Variants in OR1L1 observed in about 807,000 individuals in gnomAD.
The protein encoded by OR1L1 is olfactory receptor family 1 subfamily L member 1, also known as olfactory receptor 1L1.
For synonymous variants in OR1L1, 132 were observed against 139.1 expected (o/e 0.95, Z 0.36); for missense variants, 367 against 371.1 (o/e 0.99, Z 0.09).
Position 122,662,601 on chromosome 9 carries a change from A to C in OR1L1, c.886A>C (p.Met296Leu). ...PFIYSLRNKDMKQGLAKLMHR... is the reference protein window; with the variant it reads ...PFIYSLRNKDLKQGLAKLMHR... ...TATCTATAGTCTGAGGAACAAAGAC[A>C]TGAAGCAGGGTTTGGCAAAGTTGAT... is the stretch of plus-strand genomic sequence containing the variant. Residue 296 changes from methionine (M) to leucine (L), a missense_variant, in exon 1 of 1, where the codon ATG (methionine) becomes CTG (leucine). Met to Leu is a conservative substitution (Grantham distance 15). Transcript: ENST00000309623. 1 of 1,612,866 alleles carries C rather than the reference A, an allele frequency of 6.2e-7. No individual in the cohort carries two copies. The highest frequency in any genetic ancestry group is 8.5e-7 in the Non-Finnish European group (1 of 1,179,994).
chr9:122,662,388 G>A lies in OR1L1; in HGVS notation c.673G>A (p.Val225Ile). 3 of 1,614,156 alleles carry A rather than the reference G, an allele frequency of 1.9e-6. No homozygotes were observed. Among genetic ancestry groups the A allele is most frequent in the Non-Finnish European group, 2.5e-6 (3 of 1,180,028 alleles). Residue 225 changes from valine to isoleucine, a missense_variant, in exon 1 of 1, where the codon GTT (valine) becomes ATT (isoleucine). Val to Ile is a conservative substitution (Grantham distance 29). Coordinates refer to ENST00000309623, the MANE Select transcript of OR1L1 (RefSeq NM_001005236.3). ...CTCTTATTTAAGAATCCTCATCACT[G>A]TTCTGAAGATTCCTTCAGCTGCTGG... ...IISYLRILITVLKIPSAAGKR... is the reference protein window; with the variant it reads ...IISYLRILITILKIPSAAGKR...
At position 122,662,381 on chromosome 9, in the gene OR1L1, C is replaced by A. The variant is rs749607915; in HGVS notation, c.666C>A (p.Leu222=). The part of the protein sequence containing the change: ...SCIIISYLRI[L]ITVLKIPSAA... ...TCATCATCTCTTATTTAAGAATCCT[C>A]ATCACTGTTCTGAAGATTCCTTCAG... The change falls in exon 1 of 1, where the codon CTC becomes CTA. Residue 222 remains leucine (L), a synonymous_variant. Transcript: ENST00000309623. 2 of 1,614,092 alleles carry A rather than the reference C, an allele frequency of 1.2e-6. No individual in the cohort carries two copies. The highest frequency in any genetic ancestry group is 2.7e-5 in the African/African-American group (2 of 74,932).
At position 122,661,850 on chromosome 9, in the gene OR1L1, C is replaced by T. The variant is rs1830518619; in HGVS notation, c.135C>T (p.Ile45=). The change falls in exon 1 of 1, where the codon ATC becomes ATT. Residue 45 remains isoleucine (I), a synonymous_variant. Coordinates refer to ENST00000309623, the MANE Select transcript of OR1L1 (RefSeq NM_001005236.3). ...YLITVIGNLL[I]ILAIRSDTRL... ...TCACAGTGATAGGAAACCTGCTTAT[C>T]ATCCTGGCCATCCGCTCAGACACTC... is the stretch of plus-strand genomic sequence containing the variant. The T allele has an allele frequency of 1.2e-6, 2 of 1,614,068 alleles. No homozygotes were observed. The highest frequency in any genetic ancestry group is 1.7e-5 in the Admixed American group (1 of 60,002).
rs1321214347 is a variant in OR1L1 at position 122,662,335 on chromosome 9, T to C, written c.620T>C (p.Ile207Thr). ...GTAATGACAGAAGGCTTGGCTGTCA[T>C]AATGACCCCGTTTTCATGCATCATC... The part of the protein sequence containing the change: ...ITVMTEGLAV[I>T]MTPFSCIIIS... The change falls in exon 1 of 1, where the codon ATA becomes ACA. Residue 207 changes from isoleucine to threonine, a missense_variant. Coordinates refer to ENST00000309623, the MANE Select transcript of OR1L1 (RefSeq NM_001005236.3). 10 of 1,614,096 alleles carry C rather than the reference T, an allele frequency of 6.2e-6. No homozygotes were observed. The South Asian group carries it at 9.9e-5, about 16-fold the overall frequency.
In OR1L1 at chr9:122,662,109, T is replaced by A; in HGVS notation, c.394T>A (p.Tyr132Asn). The change falls in exon 1 of 1, where the codon TAC becomes AAC. Residue 132 changes from tyrosine (Y) to asparagine (N), a missense_variant. Tyr to Asn is a moderately radical substitution (Grantham distance 143). Coordinates refer to ENST00000309623, the MANE Select transcript of OR1L1 (RefSeq NM_001005236.3). ...RYVAICNPFH[Y>N]ITIMSHRCCV... ...TGTGGCCATATGTAATCCCTTCCACTACATCACCATTATGAGTCACAGATG... is the reference window on the plus strand; with the variant it reads ...TGTGGCCATATGTAATCCCTTCCACAACATCACCATTATGAGTCACAGATG... 1 of 1,614,080 alleles carries A rather than the reference T, an allele frequency of 6.2e-7. No homozygotes were observed. The highest frequency in any genetic ancestry group is 8.5e-7 in the Non-Finnish European group (1 of 1,180,038).
Position 122,662,601 on chromosome 9 carries a change from A to G in OR1L1, c.886A>G (p.Met296Val). 6.2e-7 allele frequency: 1 copy of G among 1,612,866 alleles called. No homozygotes were observed. The highest frequency in any genetic ancestry group is 8.5e-7 in the Non-Finnish European group (1 of 1,179,994). Residue 296 changes from methionine to valine, a missense_variant, in exon 1 of 1, where the codon ATG becomes GTG. Coordinates refer to ENST00000309623, the MANE Select transcript of OR1L1 (RefSeq NM_001005236.3). ...TATCTATAGTCTGAGGAACAAAGAC[A>G]TGAAGCAGGGTTTGGCAAAGTTGAT... ...PFIYSLRNKD[M>V]KQGLAKLMHR... is the part of the protein sequence containing the mutation.
Position 122,662,252 on chromosome 9 carries a change from C to T in OR1L1, c.537C>T (p.Cys179=), listed in dbSNP as rs1332833639. The change falls in exon 1 of 1, where the codon TGC becomes TGT. Residue 179 remains cysteine, a synonymous_variant. Coordinates refer to ENST00000309623, the MANE Select transcript of OR1L1 (RefSeq NM_001005236.3). ...CAAATGTCATCCATCACTTTTTCTG[C>T]GATGATCAACCAGTGCTAAAATTGT... ...CASNVIHHFF[C]DDQPVLKLSC... is the part of the protein sequence containing the mutation. The T allele has an allele frequency of 3.7e-6, 6 of 1,614,000 alleles. No individual in the cohort carries two copies. The African/African-American group carries it at 4.0e-5, about 11-fold the overall frequency.
chr9:122,662,467 T>A lies in OR1L1; in HGVS notation c.752T>A (p.Phe251Tyr). The change falls in exon 1 of 1, where the codon TTT (phenylalanine) becomes TAT (tyrosine). Residue 251 changes from phenylalanine to tyrosine, a missense_variant. Transcript: ENST00000309623. ...TCTCATCTCACAGTGGTGACCCTGT[T>A]TTATGGAAGCATTAGCTATCTCTAT... The part of the protein sequence containing the change: ...CGSHLTVVTL[F>Y]YGSISYLYFQ... The A allele has an allele frequency of 6.2e-7, 1 of 1,614,210 alleles. No individual in the cohort carries two copies. Among genetic ancestry groups the A allele is most frequent in the Non-Finnish European group, 8.5e-7 (1 of 1,180,034 alleles).
chr9:122,661,772 T>C lies in OR1L1; in HGVS notation c.57T>C (p.Ser19=). The C allele has an allele frequency of 6.2e-7, 1 of 1,614,160 alleles. No individual in the cohort carries two copies. Among genetic ancestry groups the C allele is most frequent in the Non-Finnish European group, 8.5e-7 (1 of 1,180,022 alleles). Residue 19 remains serine (S), a synonymous_variant, in exon 1 of 1, where the codon TCT becomes TCC. Coordinates refer to ENST00000309623, the MANE Select transcript of OR1L1 (RefSeq NM_001005236.3). ...AATTCATCCTCCTTGGACTCTCCTC[T>C]CGACCTGAGGATCAGAAGCCGCTCT... ...PSEFILLGLS[S]RPEDQKPLFA...
Position 122,661,864 on chromosome 9 carries a change from G to T in OR1L1, c.149G>T (p.Arg50Leu), listed in dbSNP as rs148839355. 3 of 1,614,080 alleles carry T rather than the reference G, an allele frequency of 1.9e-6. No individual in the cohort carries two copies. Among genetic ancestry groups the T allele is most frequent in the Admixed American group, 1.7e-5 (1 of 60,022 alleles). ...AACCTGCTTATCATCCTGGCCATCC[G>T]CTCAGACACTCGTCTCCAGACGCCC... ...IGNLLIILAI[R>L]SDTRLQTPMY... is the part of the protein sequence containing the mutation. Residue 50 changes from arginine to leucine, a missense_variant, in exon 1 of 1, where the codon CGC (arginine) becomes CTC (leucine). Arg to Leu is a moderately radical substitution (Grantham distance 102). Coordinates refer to ENST00000309623, the MANE Select transcript of OR1L1 (RefSeq NM_001005236.3).
chr9:122,662,404 C>A lies in OR1L1; in HGVS notation c.689C>A (p.Ser230Ter). 5.0e-6 allele frequency: 8 copies of A among 1,614,214 alleles called. No homozygotes were observed. The highest frequency in any genetic ancestry group is 6.8e-6 in the Non-Finnish European group (8 of 1,180,034). The part of the protein sequence containing the change: ...RILITVLKIP[S>*]AAGKRKAFST... Reference sequence around the variant, plus strand: ...CTCATCACTGTTCTGAAGATTCCTTCAGCTGCTGGAAAGCGTAAAGCATTT... The same window carrying A: ...CTCATCACTGTTCTGAAGATTCCTTAAGCTGCTGGAAAGCGTAAAGCATTT... The change falls in exon 1 of 1, where the codon TCA (serine) becomes TAA (stop). Residue 230 changes from serine (S) to a stop codon, truncating the protein, a stop_gained. Transcript: ENST00000309623. LOFTEE classifies it low-confidence loss of function (END_TRUNC).
rs370365169 is a variant in OR1L1 at position 122,662,133 on chromosome 9, T to C, written c.418T>C (p.Cys140Arg). 3.7e-6 allele frequency: 6 copies of C among 1,614,096 alleles called. No individual in the cohort carries two copies. The highest frequency in any genetic ancestry group is 1.1e-5 in the South Asian group (1 of 91,086). Residue 140 changes from cysteine to arginine, a missense_variant, in exon 1 of 1, where the codon TGC becomes CGC. By Grantham distance (180) the Cys-to-Arg change is radical. Coordinates refer to ENST00000309623, the MANE Select transcript of OR1L1 (RefSeq NM_001005236.3). ...FHYITIMSHR[C>R]CVLLLVLSFC... The stretch of plus-strand genomic sequence containing the variant: ...CTACATCACCATTATGAGTCACAGA[T>C]GCTGTGTCCTGCTTCTGGTTCTCTC...
In OR1L1 at chr9:122,662,538, A is replaced by G. The variant is rs139883007; in HGVS notation, c.823A>G (p.Ile275Val). Reference sequence around the variant, plus strand: ...TACTGTCAAGGATCAAATAGCAACAATTATCTACACCGTACTGACTCCTAT... The same window carrying G: ...TACTGTCAAGGATCAAATAGCAACAGTTATCTACACCGTACTGACTCCTAT... ...NYTVKDQIAT[I>V]IYTVLTPMLN... Residue 275 changes from isoleucine (I) to valine (V), a missense_variant, in exon 1 of 1, where the codon ATT (isoleucine) becomes GTT (valine). By Grantham distance (29) the Ile-to-Val change is conservative (BLOSUM62 3). Transcript: ENST00000309623. 1.4e-4 allele frequency: 228 copies of G among 1,614,002 alleles called. 2 individuals carry two copies. The African/African-American group carries it at 2.7e-3, about 19-fold the overall frequency.
chr9:122,662,026 T>C lies in OR1L1; in HGVS notation c.311T>C (p.Phe104Ser), dbSNP rs772710357. Residue 104 changes from phenylalanine to serine, a missense_variant, in exon 1 of 1, where the codon TTC becomes TCC. By Grantham distance (155) the Phe-to-Ser change is radical. Transcript: ENST00000309623. ...YSECLTQMYF[F>S]LAFGNTDSYL... ...GAGTGTCTGACCCAGATGTACTTTT[T>C]CTTAGCCTTTGGAAACACAGACAGT... is the stretch of plus-strand genomic sequence containing the variant. 1 of 1,614,206 alleles carries C rather than the reference T, an allele frequency of 6.2e-7. No individual in the cohort carries two copies. Among genetic ancestry groups the C allele is most frequent in the Admixed American group, 1.7e-5 (1 of 60,028 alleles).
rs571524691 is a variant in OR1L1, at chr9:122,661,994, T to C, written c.279T>C (p.Ser93=). ...TCTTATCAGAGACAAAGACCATCTC[T>C]TACAGTGAGTGTCTGACCCAGATGT... The part of the protein sequence containing the change: ...VNFLSETKTI[S]YSECLTQMYF... The change falls in exon 1 of 1, where the codon TCT becomes TCC. Residue 93 remains serine, a synonymous_variant. Transcript: ENST00000309623. 6.2e-7 allele frequency: 1 copy of C among 1,614,214 alleles called. No homozygotes were observed. Among genetic ancestry groups the C allele is most frequent in the South Asian group, 1.1e-5 (1 of 91,088 alleles).
chr9:122,662,288 C>T lies in OR1L1; in HGVS notation c.573C>T (p.Ser191=), dbSNP rs2118844992. Residue 191 remains serine, a synonymous_variant, in exon 1 of 1, where the codon TCC becomes TCT. Coordinates refer to ENST00000309623, the MANE Select transcript of OR1L1 (RefSeq NM_001005236.3). ...CAGTGCTAAAATTGTCCTGTTCCTC[C>T]CATTTTGTCAAAGAAATCACAGTAA... The part of the protein sequence containing the change: ...DQPVLKLSCS[S]HFVKEITVMT... 3 of 1,614,148 alleles carry T rather than the reference C, an allele frequency of 1.9e-6. No homozygotes were observed. Among genetic ancestry groups the T allele is most frequent in the Non-Finnish European group, 2.5e-6 (3 of 1,180,034 alleles).
Position 122,662,355 on chromosome 9 carries a change from A to G in OR1L1, c.640A>G (p.Ile214Val), listed in dbSNP as rs201905160. ...LAVIMTPFSC[I>V]IISYLRILIT... ...TGTCATAATGACCCCGTTTTCATGC[A>G]TCATCATCTCTTATTTAAGAATCCT... Residue 214 changes from isoleucine (I) to valine (V), a missense_variant, in exon 1 of 1, where the codon ATC becomes GTC. Transcript: ENST00000309623. The G allele has an allele frequency of 1.0e-4, 167 of 1,614,112 alleles. 2 individuals are homozygous for G. The Admixed American group carries it at 2.7e-3, about 26-fold the overall frequency.
Position 122,661,961 on chromosome 9 carries a change from G to A in OR1L1, c.246G>A (p.Leu82=), listed in dbSNP as rs761053812. 3.1e-6 allele frequency: 5 copies of A among 1,614,134 alleles called. No individual in the cohort carries two copies. The Admixed American group carries it at 5.0e-5, about 16-fold the overall frequency. ...CYVTVIIPKM[L]VNFLSETKTI... The stretch of plus-strand genomic sequence containing the variant: ...TGACAGTCATTATCCCTAAGATGCT[G>A]GTGAACTTCTTATCAGAGACAAAGA... Residue 82 remains leucine, a synonymous_variant, in exon 1 of 1, where the codon CTG becomes CTA. Transcript: ENST00000309623.
Position 122,662,510 on chromosome 9 carries a change from C to A in OR1L1, c.795C>A (p.Asn265Lys). ...ATCTCTATTTTCAGCCCCTGTCCAA[C>A]TATACTGTCAAGGATCAAATAGCAA... is the stretch of plus-strand genomic sequence containing the variant. Reference protein sequence around the residue: ...ISYLYFQPLSNYTVKDQIATI... With the variant: ...ISYLYFQPLSKYTVKDQIATI... Residue 265 changes from asparagine (N) to lysine (K), a missense_variant, in exon 1 of 1, where the codon AAC becomes AAA. Asn to Lys is a moderately conservative substitution (Grantham distance 94). Coordinates refer to ENST00000309623, the MANE Select transcript of OR1L1 (RefSeq NM_001005236.3). The A allele has an allele frequency of 6.2e-7, 1 of 1,614,166 alleles. No individual in the cohort carries two copies. Among genetic ancestry groups the A allele is most frequent in the South Asian group, 1.1e-5 (1 of 91,076 alleles).
Sources: allele counts gnomAD v4.1 joint callset, GRCh38; gene constraint gnomAD v4.1.1; transcripts MANE v1.5; gene names NCBI Gene and HGNC (gene_info 2026-07-23, HGNC 2026-07-21).